Variants in PIK3CG observed in about 807,000 individuals in gnomAD.
PIK3CG encodes phosphatidylinositol 4,5-bisphosphate 3-kinase catalytic subunit gamma isoform.
PIK3CG carries 55 observed loss-of-function variants against 102.3 expected under a neutral mutation model. The ratio of observed to expected loss-of-function variants is 0.54; its 90% CI spans 0.43 to 0.67. The LOEUF (loss-of-function observed/expected upper bound fraction) is 0.67. PIK3CG is among the 30% of genes least tolerant of loss of function. The pLI, the probability that PIK3CG is intolerant of heterozygous loss-of-function variation, is 0.00. For synonymous variants in PIK3CG, 552 were observed against 540.0 expected (o/e 1.02, Z -0.31); for missense variants, 1,258 against 1,391.8 (o/e 0.90, Z 1.53).
Position 106,886,416 on chromosome 7 carries a change from T to C in PIK3CG, c.3030+124T>C, listed in dbSNP as rs1791095394. 4.8e-6 allele frequency: 4 copies of C among 836,982 alleles called. No individual in the cohort carries two copies. The South Asian group carries it at 8.3e-5, about 17-fold the overall frequency. The allele number at this position is 836,982 out of a possible 1,614,324, so 51.8% of individuals were successfully genotyped here. A position where few individuals can be genotyped will look rare whatever the true frequency, so the allele number is the denominator to read the frequency against. On this transcript the variant is annotated intron_variant, in intron 10 of 10. Transcript: ENST00000496166. ...TCCAGCCTCTACCCCTACCCTCTTC[T>C]GGCATGGCCAACCCTACCTCCTCCC... is the stretch of plus-strand genomic sequence containing the variant.
intron 7 of PIK3CG, 131 bp downstream of exon 7, chr7:106,882,338 A>T (rs1246936180): frequency 2.5e-6 from 1 of 403,196 alleles, no homozygotes; most frequent in African/African-American, 2.1e-5. Context: ...AAACATTTCT[A>T]TGCTGGTGAA....
intron 10 of PIK3CG, among the ~76,000 whole-genome samples, chr7:106,898,089 A>G (rs549547846): frequency 2.0e-5 from 3 of 152,102 alleles, no homozygotes; most frequent in African/African-American, 7.2e-5. Context: ...GTGGTGGGAG[A>G]TGGTATCTCA....
At chr7:106,882,756 C>T in intron 7 of PIK3CG, 1 of 295,642 alleles carries the variant, frequency 3.4e-6, no homozygotes, top group Non-Finnish European at 6.2e-6. Flanking sequence ...ATATGCTCAG[C>T]ATATAAATGC....
intron 1 of PIK3CG, chr7:106,865,849 C>T (rs1476692510): frequency 6.6e-6 from 1 of 152,142 alleles, no homozygotes; most frequent in African/African-American, 2.4e-5. Flanking sequence ...GAAGTTATTG[C>T]TGTGTATTTA....
In PIK3CG at chr7:106,893,249, A is replaced by T. The variant is rs949524023; in HGVS notation, c.3030+6957A>T. 1.3e-5 allele frequency among the ~76,000 whole-genome samples: 2 copies of T among 152,088 alleles called. No homozygotes were observed. The highest frequency in any genetic ancestry group is 2.9e-5 in the Non-Finnish European group (2 of 68,024). Reference sequence around the variant, plus strand: ...CAGGCTCCCCTGTCTCAGTGTGAAGACTTTCAGTACTCACTATCTCTCCAT... The same window carrying T: ...CAGGCTCCCCTGTCTCAGTGTGAAGTCTTTCAGTACTCACTATCTCTCCAT... On this transcript the variant is annotated intron_variant, in intron 10 of 10. Transcript: ENST00000496166. The surrounding 1 kb of genome is among the most constrained non-coding windows in gnomAD (Gnocchi z 4.4).
intron 2 of PIK3CG, among the ~76,000 whole-genome samples, chr7:106,870,035 A>G (rs1036589811): frequency 1.3e-5 from 2 of 152,252 alleles, no homozygotes; most frequent in African/African-American, 4.8e-5. Context: ...GAGGTAGACC[A>G]GAATTCAAAC....
chr7:106,904,709 A>C (rs1036946320), intron 10 of PIK3CG, among the ~76,000 whole-genome samples: 2 of 152,224 alleles, frequency 1.3e-5, no homozygotes, highest in Admixed American at 6.5e-5. Flanking sequence ...TTTGGATTTC[A>C]TTAGTTCTTG....
rs1256948961 is a variant in PIK3CG at position 106,899,182 on chromosome 7, A to G, written c.3031-5927A>G. 1.3e-5 allele frequency among the ~76,000 whole-genome samples: 2 copies of G among 152,110 alleles called. No individual in the cohort carries two copies. Among genetic ancestry groups the G allele is most frequent in the Non-Finnish European group, 2.9e-5 (2 of 68,024 alleles). On this transcript the variant is annotated intron_variant, in intron 10 of 10. Coordinates refer to ENST00000496166, the MANE Select transcript of PIK3CG (RefSeq NM_001282426.2). The surrounding 1 kb of genome is among the most constrained non-coding windows in gnomAD (Gnocchi z 4.6). ...CTCTTGGTTTGGCTGTTGTTGGTGT[A>G]TAGGAATGCGTGATTTTTTACACTG...
In PIK3CG at chr7:106,874,138, A is replaced by G. The variant is rs1285425373; in HGVS notation, c.2288-562A>G. On this transcript the variant is annotated intron_variant, in intron 4 of 10. Transcript: ENST00000496166. The surrounding 1 kb of genome is among the most constrained non-coding windows in gnomAD (Gnocchi z 4.3). ...ATTTTATTTGCATTTTAAGAAAGGA[A>G]AACATTTGTACTGACCCTCATTCTG... is the stretch of plus-strand genomic sequence containing the variant. Among the ~76,000 whole-genome samples, 3 of 152,186 alleles carry G rather than the reference A, an allele frequency of 2.0e-5. No homozygotes were observed. The highest frequency in any genetic ancestry group is 4.8e-5 in the African/African-American group (2 of 41,432).
intron 10 of PIK3CG, among the ~76,000 whole-genome samples, chr7:106,896,717 G>A (rs1791418901): frequency 6.6e-6 from 1 of 152,190 alleles, no homozygotes; most frequent in Non-Finnish European, 1.5e-5. Flanking sequence ...ATGCAGAGGG[G>A]ATGGTAGGCA....
rs1790321645 is a variant in PIK3CG, at chr7:106,867,378, C to T, written c.-12-172C>T. ...GCTGGGCCAGGACTCACCGGCCCGA[C>T]TCCAAAGCCCACGCTCTGAAGGGCT... is the stretch of plus-strand genomic sequence containing the variant. On this transcript the variant is annotated intron_variant, in intron 1 of 10. Transcript: ENST00000496166. The surrounding 1 kb of genome is among the most constrained non-coding windows in gnomAD (Gnocchi z 5.1). 6.6e-6 allele frequency among the ~76,000 whole-genome samples: 1 copy of T among 152,182 alleles called. No homozygotes were observed. The highest frequency in any genetic ancestry group is 1.5e-5 in the Non-Finnish European group (1 of 68,038).
chr7:106,879,781 G>T lies in PIK3CG; in HGVS notation c.2538+116G>T. The T allele has an allele frequency of 1.3e-6, 1 of 771,430 alleles. No homozygotes were observed. Among genetic ancestry groups the T allele is most frequent in the South Asian group, 1.8e-5 (1 of 56,048 alleles). The allele number at this position is 771,430 out of a possible 1,614,324, so 47.8% of individuals were successfully genotyped here. A position where few individuals can be genotyped will look rare whatever the true frequency, so the allele number is the denominator to read the frequency against. On this transcript the variant is annotated intron_variant, in intron 6 of 10. Coordinates refer to ENST00000496166, the MANE Select transcript of PIK3CG (RefSeq NM_001282426.2). The surrounding 1 kb of genome is among the most constrained non-coding windows in gnomAD (Gnocchi z 4.9). The stretch of plus-strand genomic sequence containing the variant: ...TCTCTTCTTTCAAGTGATGAATTGT[G>T]ATCAAATATTACATCATAGAGAGTT...
chr7:106,865,741 G>C (rs550178023), intron 1 of PIK3CG: 5 of 152,270 alleles, frequency 3.3e-5, no homozygotes, highest in African/African-American at 1.2e-4. Flanking sequence ...CTCATAAAAG[G>C]GGAAAGCTTC....
At chr7:106,866,213 G>C (rs184019391) in intron 1 of PIK3CG, among the ~76,000 whole-genome samples, 1 of 152,190 alleles carries the variant, frequency 6.6e-6, no homozygotes. Context: ...AGTTATTTAA[G>C]AGAGTAAACG....
At chr7:106,886,345 C>T in intron 10 of PIK3CG, 53 bp downstream of exon 10, 1 of 1,585,196 alleles carries the variant, frequency 6.3e-7, no homozygotes, top group Admixed American at 1.7e-5. Context: ...CAGATGGTTC[C>T]TGCAGCACTC....
At position 106,868,504 on chromosome 7, in the gene PIK3CG, C is replaced by T. The variant is rs1275102202; in HGVS notation, c.943C>T (p.Leu315=). ...VVLDTPPDPA[L]DEVRKEEWPL... is the part of the protein sequence containing the mutation. ...ACTGGACACGCCTCCAGACCCGGCC[C>T]TAGACGAGGTGAGGAAGGAAGAGTG... is the stretch of plus-strand genomic sequence containing the variant. Residue 315 remains leucine, a synonymous_variant, in exon 2 of 11, where the codon CTA becomes TTA. Transcript: ENST00000496166. This position sits in a 1 kb window ranked among gnomAD's most constrained non-coding sequence, Gnocchi z 6.2. The T allele has an allele frequency of 6.2e-7, 1 of 1,614,024 alleles. No individual in the cohort carries two copies. The highest frequency in any genetic ancestry group is 2.2e-5 in the East Asian group (1 of 44,882).
Position 106,894,014 on chromosome 7 carries a change from T to C in PIK3CG, c.3030+7722T>C, listed in dbSNP as rs891037998. Among the ~76,000 whole-genome samples the C allele has an allele frequency of 1.3e-5, 2 of 152,208 alleles. No homozygotes were observed. Among genetic ancestry groups the C allele is most frequent in the African/African-American group, 4.8e-5 (2 of 41,462 alleles). On this transcript the variant is annotated intron_variant, in intron 10 of 10. Coordinates refer to ENST00000496166, the MANE Select transcript of PIK3CG (RefSeq NM_001282426.2). This position sits in a 1 kb window ranked among gnomAD's most constrained non-coding sequence, Gnocchi z 4.4. The stretch of plus-strand genomic sequence containing the variant: ...ACAGTAAAAATATGGAATTATAATC[T>C]TATGAAACAACTATGATAGATGCAG...
chr7:106,880,718 G>A lies in PIK3CG; in HGVS notation c.2538+1053G>A, dbSNP rs139291312. On this transcript the variant is annotated intron_variant, in intron 6 of 10. Coordinates refer to ENST00000496166, the MANE Select transcript of PIK3CG (RefSeq NM_001282426.2). This position sits in a 1 kb window ranked among gnomAD's most constrained non-coding sequence, Gnocchi z 4.2. ...TTTTAAGATGAGGCCTTGCTTTATC[G>A]CCCAGGTTGGAATACAGTGGCACGA... Among the ~76,000 whole-genome samples the A allele has an allele frequency of 4.8e-3, 727 of 151,282 alleles. 7 individuals are homozygous for A. Among genetic ancestry groups the A allele is most frequent in the Middle Eastern group, 0.017 (5 of 292 alleles).
In PIK3CG at chr7:106,906,775, A is replaced by T. The variant is rs1388009163; in HGVS notation, c.*1388A>T. The T allele has an allele frequency of 4.5e-6, 1 of 221,800 alleles. No homozygotes were observed. Among genetic ancestry groups the T allele is most frequent in the Non-Finnish European group, 9.0e-6 (1 of 111,382 alleles). The allele number at this position is 221,800 out of a possible 1,614,324, so 13.7% of individuals were successfully genotyped here. On this transcript the variant is annotated 3_prime_UTR_variant, in exon 11 of 11. Transcript: ENST00000496166. The stretch of plus-strand genomic sequence containing the variant: ...ATAATCAGATATAAATATATACTTA[A>T]TTTTTTAATTTTAAAAATAGATACC...
Sources: allele counts gnomAD v4.1 joint callset (sites outside exome capture counted in the v4.1 genomes callset), GRCh38; gene constraint gnomAD v4.1.1; non-coding constraint Gnocchi (gnomAD v3.1); transcripts MANE v1.5; gene names NCBI Gene and HGNC (gene_info 2026-07-23, HGNC 2026-07-21).